The following EDIL3 variants were observed in gnomAD, a reference collection of about 807,000 sequenced individuals.
EDIL3 encodes the protein EGF-like repeat and discoidin I-like domain-containing protein 3.
Under a neutral mutation model 67.4 loss-of-function variants are expected in EDIL3, and 37 were observed. The ratio of observed to expected loss-of-function variants is 0.55; its 90% CI spans 0.42 to 0.72. EDIL3 has a LOEUF of 0.72. EDIL3 is among the 30% of genes least tolerant of loss of function. EDIL3 has a pLI of 0.00. For missense variants in EDIL3, 527 were observed against 586.3 expected (o/e 0.90, Z 1.04); for synonymous variants, 195 against 196.3 (o/e 0.99, Z 0.05).
chr5:84,368,819 C>T (rs574834500), intron 1 of EDIL3, among the ~76,000 whole-genome samples: 1 of 151,990 alleles, frequency 6.6e-6, no homozygotes, highest in Non-Finnish European at 1.5e-5. Context: ...AGGAATTGAA[C>T]AGATGTTTTC....
chr5:84,054,670 C>A (rs1352384952), intron 9 of EDIL3, among the ~76,000 whole-genome samples: 1 of 152,008 alleles, frequency 6.6e-6, no homozygotes, highest in Non-Finnish European at 1.5e-5. Flanking sequence ...CAATAACAGA[C>A]AAACAGAGAG....
At chr5:84,315,076 A>G (rs1746484060) in intron 1 of EDIL3, among the ~76,000 whole-genome samples, 1 of 152,194 alleles carries the variant, frequency 6.6e-6, no homozygotes, top group African/African-American at 2.4e-5. Flanking sequence ...ACAAAAATAA[A>G]AGACAAATTG....
At chr5:84,001,944 C>T (rs1745338540) in intron 9 of EDIL3, among the ~76,000 whole-genome samples, 1 of 151,446 alleles carries the variant, frequency 6.6e-6, no homozygotes, top group African/African-American at 2.4e-5. Flanking sequence ...ACCAAAGACA[C>T]ATCAAAAAAA....
At chr5:84,154,554 T>G (rs1462734632) in intron 4 of EDIL3, among the ~76,000 whole-genome samples, 1 of 151,828 alleles carries the variant, frequency 6.6e-6, no homozygotes, top group African/African-American at 2.4e-5. Context: ...TTCATATTTA[T>G]AGTTTTTTTT....
chr5:84,364,543 G>A (rs1351436735), intron 1 of EDIL3, among the ~76,000 whole-genome samples: 3 of 151,258 alleles, frequency 2.0e-5, no homozygotes, highest in Non-Finnish European at 4.4e-5. Context: ...CACATTACCT[G>A]GCAAAAGGGA....
At chr5:84,286,171 G>A (rs920560136) in intron 1 of EDIL3, among the ~76,000 whole-genome samples, 20 of 152,228 alleles carry the variant, frequency 1.3e-4, no homozygotes, top group African/African-American at 4.6e-4. Flanking sequence ...GAATAGCATA[G>A]GCAGTAGATT....
chr5:84,212,703 C>G (rs911645384), intron 3 of EDIL3, among the ~76,000 whole-genome samples: 10 of 152,020 alleles, frequency 6.6e-5, no homozygotes, highest in African/African-American at 2.4e-4. Flanking sequence ...GACAGACAAG[C>G]CTGGATTAAA....
chr5:84,279,563 C>T (rs2112105412), intron 1 of EDIL3, among the ~76,000 whole-genome samples: 1 of 152,222 alleles, frequency 6.6e-6, no homozygotes, highest in South Asian at 2.1e-4. Flanking sequence ...AATTTGTAGA[C>T]AAAGCTATTA....
intron 5 of EDIL3, among the ~76,000 whole-genome samples, chr5:84,114,312 C>T (rs138298778): frequency 8.4e-4 from 127 of 151,948 alleles, no homozygotes; most frequent in African/African-American, 2.9e-3. Flanking sequence ...AAGGGTGATT[C>T]GGGAACAGGG....
chr5:84,120,720 G>T (rs1043661632), intron 5 of EDIL3, among the ~76,000 whole-genome samples: 17 of 152,032 alleles, frequency 1.1e-4, no homozygotes, highest in Middle Eastern at 3.4e-3. Flanking sequence ...AGTAGCATTA[G>T]AAAACAAAGA....
chr5:84,052,798 G>T (rs944571430), intron 9 of EDIL3, among the ~76,000 whole-genome samples: 1 of 152,162 alleles, frequency 6.6e-6, no homozygotes, highest in Non-Finnish European at 1.5e-5. Context: ...GGAGCACCCA[G>T]ATTCATAAAG....
At chr5:84,175,798 T>C (rs953496255) in intron 4 of EDIL3, among the ~76,000 whole-genome samples, 4 of 152,100 alleles carry the variant, frequency 2.6e-5, no homozygotes, top group Admixed American at 1.3e-4. Flanking sequence ...ATCCTCAAGT[T>C]TGGTGTACTG....
chr5:84,165,150 G>C (rs531669964), intron 4 of EDIL3, among the ~76,000 whole-genome samples: 4 of 152,136 alleles, frequency 2.6e-5, no homozygotes, highest in Admixed American at 6.6e-5. Flanking sequence ...GTCCCTAACT[G>C]TGCTTCTTGC....
chr5:84,296,550 T>C (rs967333111), intron 1 of EDIL3, among the ~76,000 whole-genome samples: 2 of 83,278 alleles, frequency 2.4e-5, no homozygotes. Flanking sequence ...AGTATACAAG[T>C]TATTCTTTAT....
chr5:84,187,166 T>C (rs1743477826), intron 3 of EDIL3, among the ~76,000 whole-genome samples: 1 of 152,060 alleles, frequency 6.6e-6, no homozygotes, highest in African/African-American at 2.4e-5. Context: ...TCAATATTAA[T>C]GAACAACTGA....
At chr5:84,267,810 C>T (rs1745380150) in intron 1 of EDIL3, among the ~76,000 whole-genome samples, 1 of 152,080 alleles carries the variant, frequency 6.6e-6, no homozygotes, top group Non-Finnish European at 1.5e-5. Context: ...GTAATGGAGC[C>T]TTTGGAAGCC....
chr5:84,286,668 G>A (rs764101311), intron 1 of EDIL3, among the ~76,000 whole-genome samples: 8 of 152,128 alleles, frequency 5.3e-5, no homozygotes, highest in African/African-American at 4.8e-5. Context: ...AACTTATTAG[G>A]TAAAATGGGG....
chr5:84,170,176 C>G (rs1748789606), intron 4 of EDIL3, among the ~76,000 whole-genome samples: 1 of 147,160 alleles, frequency 6.8e-6, no homozygotes, highest in African/African-American at 2.7e-5. Flanking sequence ...TTGGGAAAGA[C>G]AGTAGAGAGG....
intron 9 of EDIL3, among the ~76,000 whole-genome samples, chr5:84,014,003 T>C (rs1398475273): frequency 6.6e-6 from 1 of 152,194 alleles, no homozygotes; most frequent in East Asian, 1.9e-4. Flanking sequence ...CAGCTACTTA[T>C]ATCATGTTTG....
Sources: gnomAD v4.1 joint callset for allele counts (sites outside exome capture counted in the v4.1 genomes callset) on GRCh38, gnomAD v4.1.1 for gene constraint, MANE v1.5 for transcripts, NCBI Gene and HGNC (gene_info 2026-07-23, HGNC 2026-07-21) for gene names.